Variants in ETS1 observed in about 807,000 individuals in gnomAD.
ETS1 encodes protein C-ets-1.
Under a neutral mutation model 58.6 loss-of-function variants are expected in ETS1, and 15 were observed. The ratio of observed to expected loss-of-function variants is 0.26; its 90% CI spans 0.17 to 0.39. ETS1 has a LOEUF of 0.39. Among genes scored for constraint, ETS1 ranks in the 10% least tolerant of loss-of-function variants. The pLI, the probability that ETS1 is intolerant of heterozygous loss-of-function variation, is 1.00. For synonymous variants in ETS1, 214 were observed against 218.2 expected, an observed-to-expected ratio of 0.98 and a Z score of 0.17; for missense variants, 417 against 610.5, an observed-to-expected ratio of 0.68 and a Z score of 3.34.
At chr11:128,480,851 A>G (rs4937338) in intron 7 of ETS1, among the ~76,000 whole-genome samples, 137,866 of 152,154 alleles carry the variant, frequency 0.91, 62,505 homozygotes, top group Admixed American at 0.93. Flanking sequence ...TGAAGAAATC[A>G]GAGCAATGTC....
chr11:128,499,604 CA>C (rs1385856797), intron 3 of ETS1, among the ~76,000 whole-genome samples: 1 of 152,102 alleles, frequency 6.6e-6, no homozygotes, highest in Non-Finnish European at 1.5e-5. Flanking sequence ...GCAAATGAGG[CA>C]AAAATGATGG....
intron 2 of ETS1, among the ~76,000 whole-genome samples, chr11:128,559,771 G>A (rs538763145): frequency 6.6e-6 from 1 of 152,282 alleles, no homozygotes; most frequent in Admixed American, 6.5e-5. Flanking sequence ...AACATCACCA[G>A]TTCCAATTCA....
At chr11:128,562,375 C>T (rs1198745400) in intron 2 of ETS1, among the ~76,000 whole-genome samples, 1 of 152,210 alleles carries the variant, frequency 6.6e-6, no homozygotes, top group Non-Finnish European at 1.5e-5. Context: ...TGCCATTGCA[C>T]TCCAGCCTGG....
intron 3 of ETS1, among the ~76,000 whole-genome samples, chr11:128,521,745 C>T (rs1863676182): frequency 6.6e-6 from 1 of 152,230 alleles, no homozygotes; most frequent in African/African-American, 2.4e-5. Context: ...TCCTCCTCCT[C>T]CTCCTCCTCC....
At chr11:128,503,906 C>T (rs530294795) in intron 3 of ETS1, among the ~76,000 whole-genome samples, 7 of 152,306 alleles carry the variant, frequency 4.6e-5, no homozygotes, top group African/African-American at 1.2e-4. Flanking sequence ...CTATCACAGG[C>T]TCCAAAAAAT....
intron 3 of ETS1, among the ~76,000 whole-genome samples, chr11:128,513,202 G>C (rs188353867): frequency 1.3e-5 from 2 of 152,162 alleles, no homozygotes; most frequent in African/African-American, 4.8e-5. Context: ...CAGAATTTGG[G>C]GATTAGGATG....
At position 128,575,070 on chromosome 11, in the gene ETS1, A is replaced by C. The variant is rs141999392; in HGVS notation, c.-14-1926T>G. On this transcript the variant is annotated intron_variant, in intron 1 of 9. Coordinates refer to ENST00000392668, the MANE Select transcript of ETS1 (RefSeq NM_001143820.2). ...CCAAGGATCTCCTGAGTCCTCACAG[A>C]CCTCAGTTACAGTAGTCTCCCCTTA... Among the ~76,000 whole-genome samples the C allele has an allele frequency of 2.6e-5, 4 of 152,216 alleles. No individual in the cohort carries two copies. The East Asian group carries it at 7.7e-4, about 29-fold the overall frequency.
Position 128,458,985 on chromosome 11 carries a change from T to A in ETS1, c.*3376A>T, listed in dbSNP as rs1440129782. ...TCTAAGCTACCTCAGTTCTGATTTTTAAAAAGCACCTGCTTTTCCTTTTTT... is the reference window on the plus strand; with the variant it reads ...TCTAAGCTACCTCAGTTCTGATTTTAAAAAAGCACCTGCTTTTCCTTTTTT... On this transcript the variant is annotated 3_prime_UTR_variant, in exon 10 of 10. Transcript: ENST00000392668. This position sits in a 1 kb window ranked among gnomAD's most constrained non-coding sequence, Gnocchi z 4.3. 6.6e-6 allele frequency: 1 copy of A among 152,646 alleles called. No homozygotes were observed. The highest frequency in any genetic ancestry group is 2.4e-5 in the African/African-American group (1 of 41,424). 9.5% of individuals were successfully genotyped at this position (152,646 alleles called of 1,614,324 possible).
At chr11:128,551,609 CCA>C (rs1301658164) in intron 3 of ETS1, among the ~76,000 whole-genome samples, 1 of 151,872 alleles carries the variant, frequency 6.6e-6, no homozygotes, top group Non-Finnish European at 1.5e-5. Context: ...AAATGTACAC[CCA>C]CACACACACT....
At chr11:128,505,799 T>C (rs769819066) in intron 3 of ETS1, among the ~76,000 whole-genome samples, 10 of 152,172 alleles carry the variant, frequency 6.6e-5, no homozygotes, top group Non-Finnish European at 1.2e-4. Flanking sequence ...GCAGCCCTCA[T>C]CCGCTGCTAA....
At chr11:128,575,080 C>G (rs11221358) in intron 1 of ETS1, among the ~76,000 whole-genome samples, 10,455 of 152,194 alleles carry the variant, frequency 0.069, 523 homozygotes, top group South Asian at 0.14. Context: ...ACCTCAGTTA[C>G]AGTAGTCTCC....
intron 1 of ETS1, 35 bp downstream of exon 1, chr11:128,587,453 G>A (rs1439326363): frequency 1.3e-5 from 2 of 152,338 alleles, no homozygotes; most frequent in African/African-American, 4.8e-5. Flanking sequence ...AAAGGAAAAT[G>A]GACTGAAAAG....
intron 3 of ETS1, 67 bp from the exon 4 acceptor site, chr11:128,490,643 C>A: frequency 2.3e-6 from 3 of 1,287,702 alleles, no homozygotes; most frequent in Non-Finnish European, 3.3e-6. Flanking sequence ...TAAAACATTA[C>A]AAATGGGCTG....
At chr11:128,566,905 A>G (rs1434683391) in intron 2 of ETS1, among the ~76,000 whole-genome samples, 1 of 152,172 alleles carries the variant, frequency 6.6e-6, no homozygotes, top group Non-Finnish European at 1.5e-5. Flanking sequence ...TGCCTGGACC[A>G]GGAGTAAAGG....
chr11:128,489,909 A>C (rs767192273), intron 4 of ETS1, among the ~76,000 whole-genome samples: 3 of 152,254 alleles, frequency 2.0e-5, no homozygotes, highest in Middle Eastern at 3.4e-3. Flanking sequence ...ACTTGAGACT[A>C]TTATTCTCGA....
At chr11:128,551,733 C>G (rs1384208639) in intron 3 of ETS1, among the ~76,000 whole-genome samples, 1 of 152,150 alleles carries the variant, frequency 6.6e-6, no homozygotes, top group Non-Finnish European at 1.5e-5. Flanking sequence ...CAGTGGGTCA[C>G]TCTCTGACTC....
intron 2 of ETS1, among the ~76,000 whole-genome samples, chr11:128,558,575 G>A (rs1003005706): frequency 1.4e-5 from 2 of 147,432 alleles, no homozygotes; most frequent in African/African-American, 5.0e-5. Flanking sequence ...AACCTGGGAG[G>A]TGGAGTTTGC....
intron 8 of ETS1, among the ~76,000 whole-genome samples, chr11:128,470,795 G>GA (rs896591221): frequency 3.7e-4 from 56 of 151,884 alleles, no homozygotes; most frequent in Non-Finnish European, 6.5e-4. Flanking sequence ...GGAGGTTAAG[G>GA]AAAAAAAAGT....
intron 2 of ETS1, among the ~76,000 whole-genome samples, chr11:128,562,850 C>T (rs887212524): frequency 4.6e-5 from 7 of 152,016 alleles, no homozygotes; most frequent in Non-Finnish European, 1.0e-4. Flanking sequence ...CCACTGCCCA[C>T]AGTCATCTCC....
Sources: gnomAD v4.1 joint callset for allele counts (sites outside exome capture counted in the v4.1 genomes callset) on GRCh38, gnomAD v4.1.1 for gene constraint, Gnocchi (gnomAD v3.1) non-coding constraint, MANE v1.5 for transcripts, NCBI Gene and HGNC (gene_info 2026-07-23, HGNC 2026-07-21) for gene names.